PTPRD: variants seen among roughly 807,000 people sequenced by gnomAD.
The protein encoded by PTPRD is receptor-type tyrosine-protein phosphatase delta.
PTPRD carries 34 observed loss-of-function variants against 214.5 expected under a neutral mutation model. That is an observed-to-expected ratio of 0.16 (90% CI 0.12 to 0.21). The LOEUF is 0.21. PTPRD is among the 10% of genes least tolerant of loss of function. PTPRD has a pLI of 1.00. For missense variants in PTPRD, 2,545 were observed against 2,398.7 expected, an observed-to-expected ratio of 1.06 and a Z score of -1.27; for synonymous variants, 1,128 against 845.7, an observed-to-expected ratio of 1.33 and a Z score of -5.79.
At chr9:10,310,510 G>C (rs921366696) in intron 3 of PTPRD, among the ~76,000 whole-genome samples, 1 of 151,936 alleles carries the variant, frequency 6.6e-6, no homozygotes, top group Non-Finnish European at 1.5e-5. Flanking sequence ...TAGGAAAGAG[G>C]TTGATGAGGA....
intron 3 of PTPRD, among the ~76,000 whole-genome samples, chr9:10,308,881 C>G (rs1166859072): frequency 6.6e-6 from 1 of 152,042 alleles, no homozygotes; most frequent in Non-Finnish European, 1.5e-5. Context: ...GGCGGTTAGA[C>G]TGCTTCCAAC....
At chr9:9,646,363 A>G (rs1404193545) in intron 7 of PTPRD, among the ~76,000 whole-genome samples, 29 of 144,402 alleles carry the variant, frequency 2.0e-4, no homozygotes, top group South Asian at 4.4e-4. Flanking sequence ...GTGTGTGTGT[A>G]TTTGCCCAGC....
At chr9:10,047,337 T>TGG (rs1491445418) in intron 3 of PTPRD, among the ~76,000 whole-genome samples, 2 of 144,176 alleles carry the variant, frequency 1.4e-5, no homozygotes, top group South Asian at 4.5e-4. Flanking sequence ...TGTGTGTGTG[T>TGG]GCGTGTGTGT....
chr9:8,616,100 A>T (rs1450677145), intron 14 of PTPRD, among the ~76,000 whole-genome samples: 1 of 152,174 alleles, frequency 6.6e-6, no homozygotes, highest in Non-Finnish European at 1.5e-5. Context: ...AAAGTCATAC[A>T]AGTGAATTGT....
intron 10 of PTPRD, among the ~76,000 whole-genome samples, chr9:9,075,495 T>C (rs1472776920): frequency 6.6e-6 from 1 of 152,142 alleles, no homozygotes; most frequent in African/African-American, 2.4e-5. Context: ...ATGTGTCATG[T>C]TGATGTGCTG....
intron 3 of PTPRD, among the ~76,000 whole-genome samples, chr9:10,036,522 A>G (rs1038593418): frequency 9.8e-5 from 14 of 143,272 alleles, no homozygotes; most frequent in Non-Finnish European, 2.1e-4. Context: ...ACACACACAC[A>G]CACACACACA....
chr9:8,815,616 G>A (rs1475949094), intron 11 of PTPRD, among the ~76,000 whole-genome samples: 2 of 152,116 alleles, frequency 1.3e-5, no homozygotes, highest in Non-Finnish European at 1.5e-5. Context: ...GTTAGAAAGT[G>A]TTGCAATCTT....
At chr9:8,965,701 G>A (rs1428566019) in intron 11 of PTPRD, among the ~76,000 whole-genome samples, 1 of 152,106 alleles carries the variant, frequency 6.6e-6, no homozygotes. Flanking sequence ...GGCAAAAACT[G>A]GAAGCATTCC....
At chr9:9,268,824 A>G (rs1037278215) in intron 9 of PTPRD, among the ~76,000 whole-genome samples, 4 of 150,358 alleles carry the variant, frequency 2.7e-5, no homozygotes, top group African/African-American at 9.8e-5. Context: ...AAAAAAAAGG[A>G]AATTCTTTTT....
chr9:10,443,354 A>G (rs947726139), intron 2 of PTPRD, among the ~76,000 whole-genome samples: 5 of 151,646 alleles, frequency 3.3e-5, no homozygotes, highest in Non-Finnish European at 5.9e-5. Flanking sequence ...ATGGTAGTAA[A>G]TCTTCCAAAC....
chr9:9,195,401 T>C (rs911162796), intron 9 of PTPRD, among the ~76,000 whole-genome samples: 5 of 152,102 alleles, frequency 3.3e-5, no homozygotes, highest in African/African-American at 1.2e-4. Flanking sequence ...GTGTTCACTA[T>C]CAACAGAATA....
At chr9:8,844,121 G>C (rs2097635522) in intron 11 of PTPRD, among the ~76,000 whole-genome samples, 1 of 152,112 alleles carries the variant, frequency 6.6e-6, no homozygotes, top group Non-Finnish European at 1.5e-5. Flanking sequence ...CAAAAGAAGA[G>C]TTTTATGCTT....
At chr9:8,763,661 G>A (rs1365407411) in intron 11 of PTPRD, among the ~76,000 whole-genome samples, 1 of 150,534 alleles carries the variant, frequency 6.6e-6, no homozygotes, top group East Asian at 1.9e-4. Flanking sequence ...AAGAGAAAGT[G>A]ATGTTCCCTA....
chr9:10,418,407 G>A (rs2098514067), intron 2 of PTPRD, among the ~76,000 whole-genome samples: 1 of 149,908 alleles, frequency 6.7e-6, no homozygotes, highest in Non-Finnish European at 1.5e-5. Context: ...CTCTACTAGT[G>A]GGGCCTTCCT....
intron 3 of PTPRD, among the ~76,000 whole-genome samples, chr9:10,241,374 T>C (rs76728418): frequency 0.035 from 5,266 of 152,026 alleles, 124 homozygotes; most frequent in Non-Finnish European, 0.053. Context: ...AACGAAAGAA[T>C]GTGTCCATTC....
At chr9:10,232,977 C>G (rs1322140) in intron 3 of PTPRD, among the ~76,000 whole-genome samples, 112,539 of 151,902 alleles carry the variant, frequency 0.74, 42,411 homozygotes, top group East Asian at 0.89. Context: ...AAAACCCTCA[C>G]TGGCATTCAA....
chr9:10,090,798 C>T (rs1357764404), intron 3 of PTPRD, among the ~76,000 whole-genome samples: 2 of 147,828 alleles, frequency 1.4e-5, no homozygotes, highest in Non-Finnish European at 3.0e-5. Flanking sequence ...TTTTGATCGG[C>T]AGCATTTTTC....
chr9:9,155,931 T>C (rs2099880815), intron 10 of PTPRD, among the ~76,000 whole-genome samples: 1 of 152,150 alleles, frequency 6.6e-6, no homozygotes, highest in Non-Finnish European at 1.5e-5. Flanking sequence ...TTTCCTGCTT[T>C]AGCTTCCTTG....
At chr9:9,585,868 T>G (rs1297242609) in intron 7 of PTPRD, among the ~76,000 whole-genome samples, 1 of 151,942 alleles carries the variant, frequency 6.6e-6, no homozygotes, top group Non-Finnish European at 1.5e-5. Flanking sequence ...AGGGAAGGCT[T>G]GAGGTGTGTT....
Sources: allele counts gnomAD v4.1 joint callset (sites outside exome capture counted in the v4.1 genomes callset), GRCh38; gene constraint gnomAD v4.1.1; transcripts MANE v1.5; gene names NCBI Gene and HGNC (gene_info 2026-07-23, HGNC 2026-07-21).